HSF1: variants seen among roughly 807,000 people sequenced by gnomAD.
HSF1 encodes heat shock factor protein 1.
HSF1 carries 32 observed loss-of-function variants against 51.7 expected under a neutral mutation model. That is an observed-to-expected ratio of 0.62 (90% CI 0.47 to 0.83). The LOEUF (loss-of-function observed/expected upper bound fraction) is 0.83. Ranked by LOEUF, HSF1 falls within the 40% of genes least tolerant of loss-of-function variation. The pLI is 0.00. For synonymous variants in HSF1, 396 were observed against 309.7 expected, an observed-to-expected ratio of 1.28 and a Z score of -2.92; for missense variants, 727 against 717.0, an observed-to-expected ratio of 1.01 and a Z score of -0.16.
chr8:144,299,251 G>A lies in HSF1; in HGVS notation c.117+7377G>A, dbSNP rs148383757. On this transcript the variant is annotated intron_variant, in intron 1 of 12. Transcript: ENST00000528838. ...GAGGTCAGGAGTTCAAGACCAGCCT[G>A]GCCAATATGGTGAAACGCCGTCTCT... Among the ~76,000 whole-genome samples, 854 of 152,022 alleles carry A rather than the reference G, an allele frequency of 5.6e-3. 6 individuals are homozygous for A. The highest frequency in any genetic ancestry group is 0.02 in the African/African-American group (811 of 41,476).
At chr8:144,294,555 G>A (rs1344447634) in intron 1 of HSF1, among the ~76,000 whole-genome samples, 2 of 152,246 alleles carry the variant, frequency 1.3e-5, no homozygotes, top group African/African-American at 4.8e-5. Flanking sequence ...ACCTGGGGGA[G>A]ACCGAGGCCC....
rs782027881 is a variant in HSF1 at position 144,309,805 on chromosome 8, C to T, written c.397C>T (p.Arg133Cys). Residue 133 changes from arginine to cysteine, a missense_variant, in exon 4 of 13, where the codon CGC becomes TGC. By Grantham distance (180) the Arg-to-Cys change is radical. This residue lies in a region of HSF1 where 257 missense variants were observed against 318.3 expected (regional missense o/e 0.81). Coordinates refer to ENST00000528838, the MANE Select transcript of HSF1 (RefSeq NM_005526.4). Reference sequence around the variant, plus strand: ...CCTGAAGAGTGAAGACATAAAGATCCGCCAGGACAGCGTCACCAAGCTGCT... The same window carrying T: ...CCTGAAGAGTGAAGACATAAAGATCTGCCAGGACAGCGTCACCAAGCTGCT... ...STLKSEDIKI[R>C]QDSVTKLLTD... is the part of the protein sequence containing the mutation. 55 of 1,613,772 alleles carry T rather than the reference C, an allele frequency of 3.4e-5. No individual in the cohort carries two copies. Among genetic ancestry groups the T allele is most frequent in the Middle Eastern group, 1.6e-4 (1 of 6,082 alleles).
At chr8:144,304,016 G>A (rs1816060587) in intron 1 of HSF1, among the ~76,000 whole-genome samples, 1 of 152,248 alleles carries the variant, frequency 6.6e-6, no homozygotes, top group African/African-American at 2.4e-5. Flanking sequence ...GGTGGAGGAA[G>A]GGAGCCCCTG....
chr8:144,291,946 G>C lies in HSF1; in HGVS notation c.117+72G>C. 1.3e-6 allele frequency: 1 copy of C among 786,018 alleles called. No individual in the cohort carries two copies. Among genetic ancestry groups the C allele is most frequent in the Non-Finnish European group, 1.8e-6 (1 of 553,084 alleles). 48.7% of individuals were successfully genotyped at this position (786,018 alleles called of 1,614,324 possible). ...CAGGGCCGCGGCGGACGGCGCGGGA[G>C]GGCTGCGGGGAGGGGCCCTGCCGCA... On this transcript the variant is annotated intron_variant, in intron 1 of 12. Coordinates refer to ENST00000528838, the MANE Select transcript of HSF1 (RefSeq NM_005526.4). The surrounding 1 kb of genome is among the most constrained non-coding windows in gnomAD (Gnocchi z 4.1).
At chr8:144,307,878 T>C (rs1000797555) in intron 1 of HSF1, among the ~76,000 whole-genome samples, 1 of 152,266 alleles carries the variant, frequency 6.6e-6, no homozygotes, top group African/African-American at 2.4e-5. Context: ...TGTAATTCTT[T>C]GGTTAACTTT....
At chr8:144,300,242 G>C (rs1815768426) in intron 1 of HSF1, among the ~76,000 whole-genome samples, 1 of 137,958 alleles carries the variant, frequency 7.2e-6, no homozygotes. Flanking sequence ...TTTTGAGACG[G>C]AGTCTCGCTC....
chr8:144,308,293 C>T (rs1396958252), intron 1 of HSF1, among the ~76,000 whole-genome samples: 10 of 152,254 alleles, frequency 6.6e-5, no homozygotes, highest in African/African-American at 2.4e-4. Context: ...GGATGCCTCC[C>T]TCACCAGCGC....
Position 144,311,601 on chromosome 8 carries a change from G to A in HSF1, c.723G>A (p.Ser241=), listed in dbSNP as rs1338876840. The part of the protein sequence containing the change: ...LEHVHGSGPY[S]APSPAYSSSS... The stretch of plus-strand genomic sequence containing the variant: ...ACGTCCACGGCTCGGGCCCCTACTC[G>A]GTGAGTGCCGGAGACAGGGCACCCG... The change falls in exon 7 of 13, where the codon TCG becomes TCA. Residue 241 remains serine, a splice_region_variant and synonymous_variant. Coordinates refer to ENST00000528838, the MANE Select transcript of HSF1 (RefSeq NM_005526.4). The A allele has an allele frequency of 4.3e-6, 7 of 1,613,166 alleles. No homozygotes were observed. The highest frequency in any genetic ancestry group is 2.2e-5 in the South Asian group (2 of 91,082).
chr8:144,312,184 C>T lies in HSF1; in HGVS notation c.1082C>T (p.Pro361Leu), dbSNP rs1816718703. 1 of 1,594,252 alleles carries T rather than the reference C, an allele frequency of 6.3e-7. No individual in the cohort carries two copies. Among genetic ancestry groups the T allele is most frequent in the African/African-American group, 1.3e-5 (1 of 74,266 alleles). Residue 361 changes from proline to leucine, a missense_variant, in exon 9 of 13, where the codon CCT becomes CTT. Transcript: ENST00000528838. ...ARGHTDTEGR[P>L]PSPPPTSTPE... Reference sequence around the variant, plus strand: ...GGCCACACGGACACCGAGGGCCGGCCTCCCTCCCCCCCGCCCACCTCCACC... The same window carrying T: ...GGCCACACGGACACCGAGGGCCGGCTTCCCTCCCCCCCGCCCACCTCCACC...
Position 144,314,478 on chromosome 8 carries a change from C to A in HSF1, c.*148C>A. ...CAAACGGGCTCGGGTCTGGGCAGCA[C>A]CTCTGGTCAGGAGGGTCACCCTGGC... On this transcript the variant is annotated 3_prime_UTR_variant, in exon 13 of 13. Coordinates refer to ENST00000528838, the MANE Select transcript of HSF1 (RefSeq NM_005526.4). 1.5e-6 allele frequency: 1 copy of A among 672,386 alleles called. No individual in the cohort carries two copies. Among genetic ancestry groups the A allele is most frequent in the East Asian group, 2.7e-5 (1 of 36,472 alleles). 41.7% of individuals were successfully genotyped at this position (672,386 alleles called of 1,614,324 possible). A position where few individuals can be genotyped will look rare whatever the true frequency, so the allele number is the denominator to read the frequency against.
chr8:144,306,923 G>A (rs1203275118), intron 1 of HSF1, among the ~76,000 whole-genome samples: 1 of 152,176 alleles, frequency 6.6e-6, no homozygotes, highest in African/African-American at 2.4e-5. Flanking sequence ...GGGGCTGTGT[G>A]TGTGTGTGTG....
At position 144,291,635 on chromosome 8, in the gene HSF1, C is replaced by T. The variant is rs1274707072; in HGVS notation, c.-123C>T. 1.5e-5 allele frequency: 8 copies of T among 524,124 alleles called. No homozygotes were observed. The highest frequency in any genetic ancestry group is 2.4e-5 in the Non-Finnish European group (8 of 328,826). 32.5% of individuals were successfully genotyped at this position (524,124 alleles called of 1,614,324 possible). ...AAGATGGCGGCGGCCATGCTGGGCC[C>T]CGGGGCTGTGTGTGCGCAGCGGGCG... On this transcript the variant is annotated 5_prime_UTR_variant, in exon 1 of 13. Transcript: ENST00000528838. This position sits in a 1 kb window ranked among gnomAD's most constrained non-coding sequence, Gnocchi z 4.1.
chr8:144,307,067 G>A (rs542791104), intron 1 of HSF1, among the ~76,000 whole-genome samples: 9 of 152,294 alleles, frequency 5.9e-5, no homozygotes, highest in South Asian at 2.1e-4. Flanking sequence ...TCCTGAGCAC[G>A]GGCACGGCTC....
chr8:144,312,794 T>A, intron 9 of HSF1: 2 of 1,283,708 alleles, frequency 1.6e-6, no homozygotes, highest in East Asian at 5.1e-5. Context: ...AGACCCAGCC[T>A]GGCCGGGCAT....
rs1554845468 is a variant in HSF1, at chr8:144,313,504, G to C, written c.1143-7G>C. ...ACTGGTTCAGGTACCGCCTTATCCC[G>C]GGCCAGGAATGAGCTCAGTGACCAC... On this transcript the variant is annotated splice_polypyrimidine_tract_variant and splice_region_variant and intron_variant, in intron 9 of 12. Transcript: ENST00000528838. The C allele has an allele frequency of 6.3e-7, 1 of 1,597,214 alleles. No homozygotes were observed. The highest frequency in any genetic ancestry group is 1.1e-5 in the South Asian group (1 of 90,732).
At chr8:144,301,482 A>T (rs1379303288) in intron 1 of HSF1, among the ~76,000 whole-genome samples, 1 of 152,184 alleles carries the variant, frequency 6.6e-6, no homozygotes, top group Non-Finnish European at 1.5e-5. Context: ...ATCCAAGAAT[A>T]TCAGTCTTAA....
rs541627588 is a variant in HSF1, at chr8:144,309,709, C to T, written c.364-63C>T. On this transcript the variant is annotated intron_variant, in intron 3 of 12. Transcript: ENST00000528838. Reference sequence around the variant, plus strand: ...TCCTGAGGGACCTGGCTGCAGTGGACGAGCCTGAGCCTGCCAAGCTCCTAG... The same window carrying T: ...TCCTGAGGGACCTGGCTGCAGTGGATGAGCCTGAGCCTGCCAAGCTCCTAG... 3.5e-5 allele frequency: 56 copies of T among 1,595,294 alleles called. No individual in the cohort carries two copies. In the East Asian group the frequency reaches 4.7e-4, roughly 13 times the overall value.
chr8:144,298,705 A>G (rs1815654021), intron 1 of HSF1, among the ~76,000 whole-genome samples: 2 of 152,204 alleles, frequency 1.3e-5, no homozygotes, highest in Admixed American at 1.3e-4. Context: ...CGTGCAGAGA[A>G]CCCAACAAAC....
chr8:144,297,582 C>T lies in HSF1; in HGVS notation c.117+5708C>T, dbSNP rs1469717373. On this transcript the variant is annotated intron_variant, in intron 1 of 12. Coordinates refer to ENST00000528838, the MANE Select transcript of HSF1 (RefSeq NM_005526.4). The surrounding 1 kb of genome is among the most constrained non-coding windows in gnomAD (Gnocchi z 4.6). ...GAGCCACTTTGTCTGCACCTGCTCGCGCTTCCTGCCTGCCTCACTGCTTCC... is the reference window on the plus strand; with the variant it reads ...GAGCCACTTTGTCTGCACCTGCTCGTGCTTCCTGCCTGCCTCACTGCTTCC... Among the ~76,000 whole-genome samples, 1 of 152,218 alleles carries T rather than the reference C, an allele frequency of 6.6e-6. No individual in the cohort carries two copies. Among genetic ancestry groups the T allele is most frequent in the Non-Finnish European group, 1.5e-5 (1 of 68,042 alleles).
Sources: gnomAD v4.1 joint callset for allele counts (sites outside exome capture counted in the v4.1 genomes callset) on GRCh38, gnomAD v4.1.1 for gene constraint, gnomAD v4.1.1 regional missense constraint, Gnocchi (gnomAD v3.1) non-coding constraint, MANE v1.5 for transcripts, NCBI Gene and HGNC (gene_info 2026-07-23, HGNC 2026-07-21) for gene names.